Variants in SLCO1B3 observed in about 807,000 individuals in gnomAD.
The protein encoded by SLCO1B3 is liver-specific organic anion transporter 2.
A neutral mutation model predicts 71.8 loss-of-function variants in SLCO1B3; 72 were observed. The ratio of observed to expected loss-of-function variants is 1.00; its 90% CI spans 0.83 to 1.22. The LOEUF is 1.22. Ranked by LOEUF, SLCO1B3 falls within the 50% of genes most tolerant of loss-of-function variation. SLCO1B3 has a pLI of 0.00. For missense variants in SLCO1B3, 911 were observed against 819.7 expected, an observed-to-expected ratio of 1.11 and a Z score of -1.36; for synonymous variants, 298 against 278.4, an observed-to-expected ratio of 1.07 and a Z score of -0.70.
At chr12:20,819,814 C>T (rs1487578505) in intron 3 of SLCO1B3, among the ~76,000 whole-genome samples, 2 of 151,980 alleles carry the variant, frequency 1.3e-5, no homozygotes, top group African/African-American at 2.4e-5. Context: ...GGTGCATGAT[C>T]GGTCACCAAG....
At chr12:20,884,232 A>C (rs918864342) in intron 13 of SLCO1B3, among the ~76,000 whole-genome samples, 13 of 152,200 alleles carry the variant, frequency 8.5e-5, no homozygotes, top group Admixed American at 3.3e-4. Context: ...GAAAATGACA[A>C]GACTGATGTG....
chr12:20,876,535 G>A (rs1045281093), intron 9 of SLCO1B3, among the ~76,000 whole-genome samples: 1 of 152,022 alleles, frequency 6.6e-6, no homozygotes, highest in Non-Finnish European at 1.5e-5. Context: ...ACTAACCCAA[G>A]AGCAATGGGA....
At position 20,879,463 on chromosome 12, in the gene SLCO1B3, C is replaced by A; in HGVS notation, c.1163C>A (p.Thr388Asn). 1 of 1,607,436 alleles carries A rather than the reference C, an allele frequency of 6.2e-7. No individual in the cohort carries two copies. The highest frequency in any genetic ancestry group is 8.5e-7 in the Non-Finnish European group (1 of 1,175,482). The change falls in exon 11 of 16, where the codon ACT becomes AAT. Residue 388 changes from threonine (T) to asparagine (N), a missense_variant. Transcript: ENST00000381545. Reference sequence around the variant, plus strand: ...ATCATAACCATTCCTACGGTTGCAACTGGAATGTTTTTAGGAGGATTTATC... The same window carrying A: ...ATCATAACCATTCCTACGGTTGCAAATGGAATGTTTTTAGGAGGATTTATC... ...LGIITIPTVATGMFLGGFIIK... is the reference protein window; with the variant it reads ...LGIITIPTVANGMFLGGFIIK...
At chr12:20,870,661 A>G (rs1210134884) in intron 8 of SLCO1B3, among the ~76,000 whole-genome samples, 2 of 152,166 alleles carry the variant, frequency 1.3e-5, no homozygotes, top group Non-Finnish European at 2.9e-5. Flanking sequence ...TGGGCTCTGT[A>G]TTCCATTCTG....
chr12:20,856,643 T>A (rs575313789), intron 4 of SLCO1B3, among the ~76,000 whole-genome samples: 20 of 152,302 alleles, frequency 1.3e-4, no homozygotes, highest in African/African-American at 4.8e-4. Flanking sequence ...CACAGCAACC[T>A]CCACCTCCTG....
At chr12:20,862,725 A>G (rs1865293330) in intron 7 of SLCO1B3, 31 bp from the exon 8 acceptor site, 1 of 1,536,714 alleles carries the variant, frequency 6.5e-7, no homozygotes, top group Non-Finnish European at 9.0e-7. Context: ...TATTTGTGAC[A>G]TCTGATTAAA....
At chr12:20,912,301 T>TTTTTTTTA (rs1555162094) in intron 15 of SLCO1B3, among the ~76,000 whole-genome samples, 2 of 139,664 alleles carry the variant, frequency 1.4e-5, no homozygotes, top group African/African-American at 5.4e-5. Context: ...TTATTTTTAT[T>TTTTTTTTA]TTTATTTATT....
intron 8 of SLCO1B3, among the ~76,000 whole-genome samples, chr12:20,863,230 C>T (rs1865305768): frequency 6.6e-6 from 1 of 152,116 alleles, no homozygotes; most frequent in Non-Finnish European, 1.5e-5. Context: ...CGAAAGCCTC[C>T]TTGTGGCTGC....
chr12:20,901,984 T>C (rs2082518), intron 15 of SLCO1B3: 245,548 of 388,046 alleles, frequency 0.63, 84,137 homozygotes, highest in South Asian at 0.8. Flanking sequence ...TTACCTCTTA[T>C]AGAAGCATTA....
Position 20,916,233 on chromosome 12 carries a change from G to A in SLCO1B3, c.2095G>A (p.Ala699Thr). 1 of 1,612,658 alleles carries A rather than the reference G, an allele frequency of 6.2e-7. No homozygotes were observed. Reference protein sequence around the residue: ...KTCNLDMQDNAAAN With the variant: ...KTCNLDMQDNTAAN ...ATGTAATTTGGACATGCAAGACAATGCTGCTGCCAACTAACATTGCATTGA... is the reference window on the plus strand; with the variant it reads ...ATGTAATTTGGACATGCAAGACAATACTGCTGCCAACTAACATTGCATTGA... Residue 699 changes from alanine to threonine, a missense_variant, in exon 16 of 16, where the codon GCT becomes ACT. Physicochemically the swap from Ala to Thr is moderately conservative, Grantham distance 58 (BLOSUM62 0). Coordinates refer to ENST00000381545, the MANE Select transcript of SLCO1B3 (RefSeq NM_019844.4).
At chr12:20,831,281 T>C (rs2196024) in intron 3 of SLCO1B3, among the ~76,000 whole-genome samples, 148,432 of 150,130 alleles carry the variant, frequency 0.99, 73,385 homozygotes, top group Middle Eastern at 1. Flanking sequence ...CACTTGTGCC[T>C]GGGAGGCAGA....
chr12:20,858,584 C>A lies in SLCO1B3; in HGVS notation c.359+13C>A. On this transcript the variant is annotated intron_variant, in intron 5 of 15. Transcript: ENST00000381545. ...TCTTCATGGGATAGTAAGTGTTAAA[C>A]AGCTCTGAGCCATTTATTATCAGCT... is the stretch of plus-strand genomic sequence containing the variant. 6.3e-7 allele frequency: 1 copy of A among 1,583,106 alleles called. No homozygotes were observed.
At chr12:20,873,414 T>C (rs967543813) in intron 8 of SLCO1B3, among the ~76,000 whole-genome samples, 1 of 152,150 alleles carries the variant, frequency 6.6e-6, no homozygotes, top group Non-Finnish European at 1.5e-5. Context: ...GGATCTGTGA[T>C]AAATGTCCAC....
rs772470214 is a variant in SLCO1B3 at position 20,881,842 on chromosome 12, AG to A, written c.1497+823del. 7.9e-5 allele frequency among the ~76,000 whole-genome samples: 12 copies of A among 152,326 alleles called. No individual in the cohort carries two copies. The South Asian group carries it at 1.7e-3, about 21-fold the overall frequency. ...TCCCTATTACCAACATTAGCAATAT[AG>A]TCAGCTGCGATTATGACTCTCTACC... On this transcript the variant is annotated intron_variant, in intron 12 of 15. Transcript: ENST00000381545.
chr12:20,911,996 T>A (rs1381511764), intron 15 of SLCO1B3, among the ~76,000 whole-genome samples: 3 of 152,200 alleles, frequency 2.0e-5, no homozygotes, highest in African/African-American at 7.2e-5. Flanking sequence ...TTTTCTAGTT[T>A]GCTAAGGTAA....
At chr12:20,881,911 C>T (rs755956572) in intron 12 of SLCO1B3, among the ~76,000 whole-genome samples, 4 of 152,184 alleles carry the variant, frequency 2.6e-5, no homozygotes, top group Non-Finnish European at 5.9e-5. Flanking sequence ...CTATCTTTCC[C>T]TTGCCCAATA....
At chr12:20,839,891 T>C (rs1000025675) in intron 3 of SLCO1B3, among the ~76,000 whole-genome samples, 1 of 152,210 alleles carries the variant, frequency 6.6e-6, no homozygotes, top group African/African-American at 2.4e-5. Context: ...AGATTTTAAT[T>C]GGTATATTCT....
intron 12 of SLCO1B3, 83 bp from the exon 13 acceptor site, chr12:20,883,335 C>A: frequency 4.0e-6 from 3 of 747,998 alleles, no homozygotes; most frequent in Non-Finnish European, 3.9e-6. Context: ...TAGTTTGAGA[C>A]TTCTTTAAAT....
At chr12:20,907,511 CTTTT>C (rs753028322) in intron 15 of SLCO1B3, among the ~76,000 whole-genome samples, 1 of 124,766 alleles carries the variant, frequency 8.0e-6, no homozygotes, top group Non-Finnish European at 1.7e-5. Flanking sequence ...CCTTCCCTTC[CTTTT>C]TTTTTTTTTT....
Sources: allele counts gnomAD v4.1 joint callset (sites outside exome capture counted in the v4.1 genomes callset), GRCh38; gene constraint gnomAD v4.1.1; transcripts MANE v1.5; gene names NCBI Gene and HGNC (gene_info 2026-07-23, HGNC 2026-07-21).